Variants in PRKAR1B observed in about 807,000 individuals in gnomAD.
PRKAR1B encodes protein kinase cAMP-dependent type I regulatory subunit beta.
A neutral mutation model predicts 46.5 loss-of-function variants in PRKAR1B; 22 were observed. The observed-to-expected ratio is 0.47, with a 90% CI of 0.34 to 0.68. PRKAR1B has a LOEUF of 0.68. Ranked by LOEUF, PRKAR1B falls within the 30% of genes least tolerant of loss-of-function variation. The pLI is 0.01. For missense variants in PRKAR1B, 445 were observed against 535.6 expected (o/e 0.83, Z 1.67); for synonymous variants, 259 against 217.7 (o/e 1.19, Z -1.67).
Position 677,219 on chromosome 7 carries a change from G to A in PRKAR1B, c.440+10C>T, listed in dbSNP as rs201706362. On this transcript the variant is annotated intron_variant, in intron 4 of 10. Transcript: ENST00000537384. ...GCGGTGATGCCGGGGCAGGGGACGA[G>A]TCTGCCTACCTCCTCTCGTTGTCAT... The A allele has an allele frequency of 1.4e-5, 22 of 1,614,044 alleles. No individual in the cohort carries two copies. The highest frequency in any genetic ancestry group is 1.6e-4 in the Middle Eastern group (1 of 6,062).
At chr7:642,598 G>T (rs556744412) in intron 4 of PRKAR1B, among the ~76,000 whole-genome samples, 14 of 151,164 alleles carry the variant, frequency 9.3e-5, no homozygotes, top group Non-Finnish European at 1.9e-4. Context: ...AGTGGCGGGC[G>T]CCTGTAGTCC....
chr7:675,070 G>T (rs370319509), intron 4 of PRKAR1B, among the ~76,000 whole-genome samples: 8 of 152,166 alleles, frequency 5.3e-5, no homozygotes, highest in African/African-American at 1.9e-4. Flanking sequence ...TGAATACCAG[G>T]AGTCTCCTGC....
intron 7 of PRKAR1B, among the ~76,000 whole-genome samples, chr7:594,766 C>G (rs1052946341): frequency 6.6e-6 from 1 of 151,864 alleles, no homozygotes; most frequent in Non-Finnish European, 1.5e-5. Flanking sequence ...GAGGGGACTC[C>G]CCCAGACCAT....
At position 683,772 on chromosome 7, in the gene PRKAR1B, C is replaced by A. The variant is rs553664507; in HGVS notation, c.178-3046G>T. On this transcript the variant is annotated intron_variant, in intron 2 of 10. Transcript: ENST00000537384. ...TGCCACGTGCCAGGCACGGCACCCA[C>A]TCCCCACGGAAGGGCAGCCTGGAGA... 2.5e-4 allele frequency among the ~76,000 whole-genome samples: 38 copies of A among 152,348 alleles called. No individual in the cohort carries two copies. The South Asian group carries it at 5.2e-3, about 21-fold the overall frequency.
intron 4 of PRKAR1B, among the ~76,000 whole-genome samples, chr7:651,790 A>G (rs1784916895): frequency 8.9e-6 from 1 of 112,322 alleles, no homozygotes; most frequent in Non-Finnish European, 1.8e-5. Flanking sequence ...ACACCCACAC[A>G]GCGCTAGGAA....
At chr7:573,975 G>A (rs1031298347) in intron 9 of PRKAR1B, among the ~76,000 whole-genome samples, 9 of 152,236 alleles carry the variant, frequency 5.9e-5, no homozygotes, top group South Asian at 2.1e-4. Flanking sequence ...CTCCCAGGAC[G>A]CCCGGCACAT....
intron 6 of PRKAR1B, among the ~76,000 whole-genome samples, chr7:600,450 C>T (rs901732307): frequency 6.6e-6 from 1 of 152,198 alleles, no homozygotes; most frequent in Non-Finnish European, 1.5e-5. Flanking sequence ...TATGATCACG[C>T]CACCGCACTC....
intron 1 of PRKAR1B, among the ~76,000 whole-genome samples, chr7:721,430 C>T (rs1781068064): frequency 1.3e-5 from 2 of 152,134 alleles, no homozygotes; most frequent in Admixed American, 6.5e-5. Flanking sequence ...AGGTGGATCA[C>T]CTGAAGTCAG....
At chr7:650,439 C>T (rs941755141) in intron 4 of PRKAR1B, among the ~76,000 whole-genome samples, 5 of 152,138 alleles carry the variant, frequency 3.3e-5, no homozygotes, top group Admixed American at 3.3e-4. Flanking sequence ...TCCAGCCCTC[C>T]AGCCTTCACA....
intron 1 of PRKAR1B, among the ~76,000 whole-genome samples, chr7:715,284 T>C (rs1388007634): frequency 1.3e-5 from 2 of 152,178 alleles, no homozygotes; most frequent in Non-Finnish European, 2.9e-5. Flanking sequence ...ACACCACTGA[T>C]CTGACACAAT....
intron 4 of PRKAR1B, among the ~76,000 whole-genome samples, chr7:635,358 G>A (rs1172965849): frequency 6.6e-6 from 1 of 152,210 alleles, no homozygotes; most frequent in Non-Finnish European, 1.5e-5. Context: ...TCGCGCCCAG[G>A]CAGACTGTGG....
chr7:568,460 G>C lies in PRKAR1B; in HGVS notation c.891+10796C>G, dbSNP rs563635016. Among the ~76,000 whole-genome samples, 429 of 152,362 alleles carry C rather than the reference G, an allele frequency of 2.8e-3. 5 individuals carry two copies. The highest frequency in any genetic ancestry group is 9.9e-3 in the African/African-American group (413 of 41,592). On this transcript the variant is annotated intron_variant, in intron 9 of 10. Transcript: ENST00000537384. ...CACAGGAGGACAACTTCCTCCCAGA[G>C]ACCATTGTTCACCACCTGGAGCTGG...
intron 2 of PRKAR1B, among the ~76,000 whole-genome samples, chr7:695,720 G>A (rs1181818173): frequency 2.0e-5 from 3 of 151,970 alleles, no homozygotes; most frequent in Non-Finnish European, 4.4e-5. Context: ...CTGGAGTGTA[G>A]TGGCGTGATC....
At chr7:596,039 A>C in intron 7 of PRKAR1B, 107 bp downstream of exon 7, 1 of 1,394,642 alleles carries the variant, frequency 7.2e-7, no homozygotes, top group Non-Finnish European at 9.7e-7. Context: ...GGAGGTTGGA[A>C]GTGTCTTTTC....
At chr7:551,178 T>G (rs1170244925) in intron 10 of PRKAR1B, among the ~76,000 whole-genome samples, 6 of 152,064 alleles carry the variant, frequency 3.9e-5, no homozygotes, top group Non-Finnish European at 8.8e-5. Context: ...CGTCCAGGGC[T>G]CGTTGCTCCT....
rs1781657479 is a variant in PRKAR1B at position 602,210 on chromosome 7, C to T, written c.549+3983G>A. On this transcript the variant is annotated intron_variant, in intron 6 of 10. Transcript: ENST00000537384. This position sits in a 1 kb window ranked among gnomAD's most constrained non-coding sequence, Gnocchi z 6.4. Reference sequence around the variant, plus strand: ...TGAGCTCAGGGCTGGAGGAAACGGTCCCTGCTTTGAAGTGGCTCCGGCACC... The same window carrying T: ...TGAGCTCAGGGCTGGAGGAAACGGTTCCTGCTTTGAAGTGGCTCCGGCACC... Among the ~76,000 whole-genome samples the T allele has an allele frequency of 1.3e-5, 2 of 152,104 alleles. No individual in the cohort carries two copies. The highest frequency in any genetic ancestry group is 2.9e-5 in the Non-Finnish European group (2 of 68,004).
chr7:605,686 A>G (rs1239150494), intron 6 of PRKAR1B, among the ~76,000 whole-genome samples: 1 of 152,214 alleles, frequency 6.6e-6, no homozygotes, highest in Non-Finnish European at 1.5e-5. Flanking sequence ...GGAAGATGAC[A>G]CAGTGAGACC....
intron 4 of PRKAR1B, among the ~76,000 whole-genome samples, chr7:652,716 G>A (rs1169688390): frequency 6.6e-6 from 1 of 152,242 alleles, no homozygotes; most frequent in Non-Finnish European, 1.5e-5. Context: ...CAGGGTCGCT[G>A]GAAGGGATAG....
At chr7:559,095 C>T (rs1778627793) in intron 9 of PRKAR1B, among the ~76,000 whole-genome samples, 2 of 152,252 alleles carry the variant, frequency 1.3e-5, no homozygotes, top group Admixed American at 6.5e-5. Context: ...AGTCACTCGT[C>T]TACTGCATTA....
Sources: allele counts gnomAD v4.1 joint callset (sites outside exome capture counted in the v4.1 genomes callset), GRCh38; gene constraint gnomAD v4.1.1; non-coding constraint Gnocchi (gnomAD v3.1); transcripts MANE v1.5; gene names NCBI Gene and HGNC (gene_info 2026-07-23, HGNC 2026-07-21).